Variants in PPP1R42 observed in about 807,000 individuals in gnomAD.
The protein encoded by PPP1R42 is protein phosphatase 1 regulatory subunit 42.
PPP1R42 carries 34 observed loss-of-function variants against 31.0 expected under a neutral mutation model. The ratio of observed to expected loss-of-function variants is 1.10; its 90% CI spans 0.83 to 1.46. The LOEUF is 1.46. PPP1R42 is among the 40% of genes most tolerant of loss of function. The pLI is 0.00. For missense variants in PPP1R42, 268 were observed against 303.0 expected, an observed-to-expected ratio of 0.88 and a Z score of 0.86; for synonymous variants, 103 against 109.8, an observed-to-expected ratio of 0.94 and a Z score of 0.39.
At chr8:66,997,842 A>G (rs1280856655) in intron 5 of PPP1R42, among the ~76,000 whole-genome samples, 1 of 152,128 alleles carries the variant, frequency 6.6e-6, no homozygotes, top group Non-Finnish European at 1.5e-5. Context: ...ATGAGTTACC[A>G]TGCCTGTGAT....
At chr8:67,016,443 T>C (rs1381416924) in intron 2 of PPP1R42, among the ~76,000 whole-genome samples, 1 of 152,172 alleles carries the variant, frequency 6.6e-6, no homozygotes, top group Non-Finnish European at 1.5e-5. Flanking sequence ...TTGCAGCCTT[T>C]AAAGTTTCCC....
In PPP1R42 at chr8:67,017,639, C is replaced by T. The variant is rs1280265752; in HGVS notation, c.109G>A (p.Asp37Asn). 1 of 1,538,836 alleles carries T rather than the reference C, an allele frequency of 6.5e-7. No homozygotes were observed. The highest frequency in any genetic ancestry group is 8.8e-7 in the Non-Finnish European group (1 of 1,141,262). The change falls in exon 2 of 8, where the codon GAC becomes AAC. Residue 37 changes from aspartate to asparagine, a missense_variant. Transcript: ENST00000685739. The part of the protein sequence containing the change: ...LKKITHINFS[D>N]KNIDAIEDLS... ...CTTACAATTGCATCTATATTTTTGT[C>T]TGAAAAATTTATATGAGTTATTTTC...
At chr8:66,992,350 A>G (rs747376746) in intron 5 of PPP1R42, among the ~76,000 whole-genome samples, 4 of 152,150 alleles carry the variant, frequency 2.6e-5, no homozygotes, top group Non-Finnish European at 5.9e-5. Context: ...GGATCTTTTC[A>G]AACCGCTAAT....
chr8:67,010,668 C>T (rs760702087), intron 5 of PPP1R42, 47 bp downstream of exon 5: 3 of 1,288,594 alleles, frequency 2.3e-6, no homozygotes, highest in Non-Finnish European at 3.3e-6. Context: ...ATTTTTCAAT[C>T]ATAATTTCAT....
intron 5 of PPP1R42, among the ~76,000 whole-genome samples, chr8:67,001,959 C>A: frequency 6.6e-6 from 1 of 152,124 alleles, no homozygotes; most frequent in Non-Finnish European, 1.5e-5. Flanking sequence ...AAGACCCTGT[C>A]TAAAAACAAA....
In PPP1R42 at chr8:67,005,139, G is replaced by C. The variant is rs1188299455; in HGVS notation, c.552+5576C>G. Among the ~76,000 whole-genome samples the C allele has an allele frequency of 3.8e-5, 3 of 78,664 alleles. No homozygotes were observed. The East Asian group carries it at 1.1e-3, about 29-fold the overall frequency. The allele number at this position is 78,664 out of a possible 152,430, so 51.6% of individuals were successfully genotyped here. On this transcript the variant is annotated intron_variant, in intron 5 of 7. Transcript: ENST00000685739. ...TTTTTTTTTTTTAGCATTACCATTT[G>C]TTGTGGTTTTTGACCCACAGACTCT... is the stretch of plus-strand genomic sequence containing the variant.
At chr8:67,004,965 G>T (rs766262631) in intron 5 of PPP1R42, among the ~76,000 whole-genome samples, 2 of 152,126 alleles carry the variant, frequency 1.3e-5, no homozygotes, top group Non-Finnish European at 2.9e-5. Flanking sequence ...CCCTAAAGAG[G>T]AATGAATTCA....
At chr8:67,018,400 G>A (rs138454368) in intron 1 of PPP1R42, among the ~76,000 whole-genome samples, 1 of 152,010 alleles carries the variant, frequency 6.6e-6, no homozygotes, top group African/African-American at 2.4e-5. Flanking sequence ...TTACAGGCGT[G>A]AGCCACCGCG....
chr8:67,002,721 C>CTTT (rs200088897), intron 5 of PPP1R42, among the ~76,000 whole-genome samples: 1 of 91,902 alleles, frequency 1.1e-5, no homozygotes, highest in Non-Finnish European at 2.3e-5. Context: ...GTTGCCCCCG[C>CTTT]TTTTTTTTTT....
At chr8:67,003,787 G>GGCC (rs1815582908) in intron 5 of PPP1R42, among the ~76,000 whole-genome samples, 1 of 152,064 alleles carries the variant, frequency 6.6e-6, no homozygotes, top group Non-Finnish European at 1.5e-5. Flanking sequence ...CAATGCAGTA[G>GGCC]TATTAAGAGA....
At chr8:67,014,299 C>A in intron 3 of PPP1R42, 127 bp downstream of exon 3, 2 of 508,772 alleles carry the variant, frequency 3.9e-6, no homozygotes, top group Non-Finnish European at 6.6e-6. Context: ...AGTATGAAAT[C>A]ATATCAATTT....
intron 7 of PPP1R42, among the ~76,000 whole-genome samples, chr8:66,968,261 T>C (rs1403429669): frequency 6.6e-6 from 1 of 152,170 alleles, no homozygotes; most frequent in Admixed American, 6.5e-5. Flanking sequence ...TGTATAAACA[T>C]ACATGAGCAC....
intron 6 of PPP1R42, chr8:66,986,216 A>G: frequency 1.8e-6 from 1 of 557,582 alleles, no homozygotes; most frequent in Non-Finnish European, 3.4e-6. Context: ...CTGGGATTAC[A>G]GGCGTGAGCC....
At position 67,000,332 on chromosome 8, in the gene PPP1R42, C is replaced by T. The variant is rs572562637; in HGVS notation, c.552+10383G>A. ...TAAGCATTCAAAGCTATAACTTTCCCTCTAAGCATTACTTTACTGTATCCC... is the reference window on the plus strand; with the variant it reads ...TAAGCATTCAAAGCTATAACTTTCCTTCTAAGCATTACTTTACTGTATCCC... On this transcript the variant is annotated intron_variant, in intron 5 of 7. Transcript: ENST00000685739. 2.9e-4 allele frequency among the ~76,000 whole-genome samples: 44 copies of T among 152,136 alleles called. 1 individual carries two copies. The highest frequency in any genetic ancestry group is 1.0e-3 in the African/African-American group (43 of 41,520).
intron 6 of PPP1R42, chr8:66,984,025 T>C (rs1814926754): frequency 8.8e-7 from 1 of 1,138,230 alleles, no homozygotes; most frequent in South Asian, 1.3e-5. Flanking sequence ...CAATGTCTGC[T>C]TGGCACAGTT....
At chr8:67,013,868 C>T (rs1442211213) in intron 3 of PPP1R42, among the ~76,000 whole-genome samples, 2 of 152,136 alleles carry the variant, frequency 1.3e-5, no homozygotes, top group Non-Finnish European at 2.9e-5. Context: ...GGCTTTTAGC[C>T]GTTTCTTTGA....
Position 66,964,268 on chromosome 8 carries a change from G to A in PPP1R42, c.*53C>T, listed in dbSNP as rs1228819953. Reference sequence around the variant, plus strand: ...AATTTTCTTTTTCTTCTGGGTTATGGAAGAGGTGAGGTTCATGCACATCAT... The same window carrying A: ...AATTTTCTTTTTCTTCTGGGTTATGAAAGAGGTGAGGTTCATGCACATCAT... On this transcript the variant is annotated 3_prime_UTR_variant, in exon 8 of 8. Coordinates refer to ENST00000685739, the MANE Select transcript of PPP1R42 (RefSeq NM_001364910.1). 4 of 1,254,916 alleles carry A rather than the reference G, an allele frequency of 3.2e-6. No homozygotes were observed. The highest frequency in any genetic ancestry group is 3.1e-6 in the Non-Finnish European group (3 of 958,604). The allele number at this position is 1,254,916 out of a possible 1,614,324, so 77.7% of individuals were successfully genotyped here.
At chr8:66,999,750 C>G (rs1213874691) in intron 5 of PPP1R42, among the ~76,000 whole-genome samples, 7 of 152,160 alleles carry the variant, frequency 4.6e-5, no homozygotes, top group African/African-American at 1.7e-4. Context: ...TCTTGGAGTT[C>G]TCTTTGCGGT....
intron 5 of PPP1R42, among the ~76,000 whole-genome samples, chr8:67,000,908 C>G (rs1395642418): frequency 6.6e-6 from 1 of 152,144 alleles, no homozygotes; most frequent in African/African-American, 2.4e-5. Context: ...GTTGAAATCT[C>G]TGTTATAATT....
Sources: allele counts gnomAD v4.1 joint callset (sites outside exome capture counted in the v4.1 genomes callset), GRCh38; gene constraint gnomAD v4.1.1; transcripts MANE v1.5; gene names NCBI Gene and HGNC (gene_info 2026-07-23, HGNC 2026-07-21).